The following TTC17 variants were observed in gnomAD, a reference collection of about 807,000 sequenced individuals.
TTC17 encodes the protein tetratricopeptide repeat protein 17.
A neutral mutation model predicts 143.8 loss-of-function variants in TTC17; 58 were observed. That is an observed-to-expected ratio of 0.40 (90% CI 0.33 to 0.50). The LOEUF (loss-of-function observed/expected upper bound fraction) is 0.50, where lower values mean the gene tolerates loss of function less well. Ranked by LOEUF, TTC17 falls within the 20% of genes least tolerant of loss-of-function variation. The probability of loss-of-function intolerance (pLI) is 0.49; values close to 1 mark genes in which losing one functional copy is unlikely to be tolerated. For missense variants in TTC17, 1,273 were observed against 1,392.5 expected, an observed-to-expected ratio of 0.91 and a Z score of 1.37; for synonymous variants, 501 against 497.8, an observed-to-expected ratio of 1.01 and a Z score of -0.09.
At chr11:43,468,500 T>G (rs1187953449) in intron 21 of TTC17, 2 of 152,062 alleles carry the variant, frequency 1.3e-5, no homozygotes, top group Non-Finnish European at 2.9e-5. Context: ...TTGAGATAAA[T>G]TATAGACATA....
intron 21 of TTC17, among the ~76,000 whole-genome samples, chr11:43,464,193 T>C (rs1947926393): frequency 6.6e-6 from 1 of 151,464 alleles, no homozygotes; most frequent in African/African-American, 2.4e-5. Context: ...GGCAGAAGAA[T>C]CGCTTGAACC....
chr11:43,429,040 T>G (rs1275318043), intron 16 of TTC17, among the ~76,000 whole-genome samples: 1 of 152,188 alleles, frequency 6.6e-6, no homozygotes, highest in Non-Finnish European at 1.5e-5. Flanking sequence ...TCTGTTCAAA[T>G]AATTTCTTTT....
chr11:43,379,734 T>C (rs746421258), intron 2 of TTC17, among the ~76,000 whole-genome samples: 1 of 152,176 alleles, frequency 6.6e-6, no homozygotes, highest in Non-Finnish European at 1.5e-5. Context: ...TCTCAGGTAG[T>C]AAAAACTAAT....
chr11:43,446,787 C>G (rs1386159472), intron 18 of TTC17: 1 of 584,000 alleles, frequency 1.7e-6, no homozygotes, highest in African/African-American at 2.0e-5. Context: ...CAAGACAGTT[C>G]TGCTCTTTTC....
intron 16 of TTC17, among the ~76,000 whole-genome samples, chr11:43,439,717 C>T (rs868431695): frequency 2.0e-5 from 3 of 152,102 alleles, no homozygotes; most frequent in African/African-American, 4.8e-5. Context: ...GTGATCCTCC[C>T]GTCTCGACCT....
At chr11:43,465,350 T>C (rs1947950639) in intron 21 of TTC17, among the ~76,000 whole-genome samples, 3 of 152,146 alleles carry the variant, frequency 2.0e-5, no homozygotes, top group African/African-American at 2.4e-5. Flanking sequence ...AGAGATGGGA[T>C]TGAAAACCAA....
intron 1 of TTC17, among the ~76,000 whole-genome samples, chr11:43,362,962 C>G (rs978159077): frequency 9.9e-5 from 15 of 152,200 alleles, no homozygotes; most frequent in African/African-American, 3.4e-4. Context: ...TTCTTCTCCT[C>G]TCCGCTCTGT....
intron 8 of TTC17, among the ~76,000 whole-genome samples, chr11:43,399,203 A>G (rs1378304513): frequency 6.6e-6 from 1 of 152,218 alleles, no homozygotes; most frequent in Non-Finnish European, 1.5e-5. Context: ...TTTAAGCAGA[A>G]TCTAGGGAAA....
chr11:43,482,379 A>G (rs1170660986), intron 21 of TTC17, among the ~76,000 whole-genome samples: 2 of 151,760 alleles, frequency 1.3e-5, no homozygotes, highest in Non-Finnish European at 2.9e-5. Context: ...TTAACTTGTC[A>G]TATTTTCATT....
chr11:43,473,792 G>A (rs1265952592), intron 21 of TTC17, among the ~76,000 whole-genome samples: 1 of 151,574 alleles, frequency 6.6e-6, no homozygotes, highest in East Asian at 1.9e-4. Context: ...GCTGAGGCAG[G>A]AGAATCACTT....
chr11:43,451,520 T>C (rs1034126694), intron 21 of TTC17, among the ~76,000 whole-genome samples: 5 of 152,212 alleles, frequency 3.3e-5, no homozygotes, highest in African/African-American at 1.2e-4. Context: ...TACCCCAGTA[T>C]GTGTGTATAG....
chr11:43,476,253 C>T (rs1021369848), intron 21 of TTC17, among the ~76,000 whole-genome samples: 5 of 152,116 alleles, frequency 3.3e-5, no homozygotes, highest in Non-Finnish European at 4.4e-5. Context: ...CAAGGAAGCT[C>T]GCAATGACAA....
chr11:43,443,866 A>G (rs1437847855), intron 17 of TTC17, among the ~76,000 whole-genome samples, 190 bp from the exon 18 acceptor site: 1 of 152,220 alleles, frequency 6.6e-6, no homozygotes, highest in African/African-American at 2.4e-5. Context: ...GGTTTCTTCT[A>G]TACATTCTTC....
rs371941351 is a variant in TTC17, at chr11:43,418,051, C to T, written c.2251+3275C>T. ...TGCCTATGCAGGTAATGTATTGTAT[C>T]ACTTGTAAATACTGTTTTGTTCAAC... On this transcript the variant is annotated intron_variant, in intron 16 of 23. Coordinates refer to ENST00000039989, the MANE Select transcript of TTC17 (RefSeq NM_018259.6). 2.9e-4 allele frequency among the ~76,000 whole-genome samples: 44 copies of T among 152,256 alleles called. No individual in the cohort carries two copies. In the Middle Eastern group the frequency reaches 0.01, roughly 36 times the overall value.
At chr11:43,410,181 T>C (rs1460651968) in intron 15 of TTC17, among the ~76,000 whole-genome samples, 1 of 152,198 alleles carries the variant, frequency 6.6e-6, no homozygotes, top group African/African-American at 2.4e-5. Flanking sequence ...AGTAAAAGTT[T>C]GTATACACAT....
chr11:43,409,860 G>C (rs1382950530), intron 15 of TTC17, among the ~76,000 whole-genome samples: 1 of 109,528 alleles, frequency 9.1e-6, no homozygotes, highest in Admixed American at 9.8e-5. Context: ...TTTTTTTTTT[G>C]AGACAAAATC....
chr11:43,365,388 C>T (rs1856292926), intron 1 of TTC17, among the ~76,000 whole-genome samples: 1 of 152,186 alleles, frequency 6.6e-6, no homozygotes, highest in Non-Finnish European at 1.5e-5. Flanking sequence ...CCCGCCTCAG[C>T]CTCCCATGTA....
intron 5 of TTC17, among the ~76,000 whole-genome samples, chr11:43,394,259 G>A (rs1410596413): frequency 6.6e-6 from 1 of 152,230 alleles, no homozygotes; most frequent in African/African-American, 2.4e-5. Flanking sequence ...GCCAGATTAT[G>A]TAAGGGTCTG....
At position 43,449,902 on chromosome 11, in the gene TTC17, A is replaced by G. The variant is rs148969585; in HGVS notation, c.2787-180A>G. ...GTTGTGGGTATTTATCACCACTTAT[A>G]TCTTGGAAGAAGAAATCCTAGAAGA... On this transcript the variant is annotated intron_variant, in intron 19 of 23. Coordinates refer to ENST00000039989, the MANE Select transcript of TTC17 (RefSeq NM_018259.6). The G allele has an allele frequency of 2.2e-3, 1,460 of 671,934 alleles. 2 individuals carry two copies. The highest frequency in any genetic ancestry group is 3.2e-3 in the Non-Finnish European group (1,300 of 410,254). The allele number at this position is 671,934 out of a possible 1,614,324, so 41.6% of individuals were successfully genotyped here.
Sources: allele counts gnomAD v4.1 joint callset (sites outside exome capture counted in the v4.1 genomes callset), GRCh38; gene constraint gnomAD v4.1.1; transcripts MANE v1.5; gene names NCBI Gene and HGNC (gene_info 2026-07-23, HGNC 2026-07-21).